TBX19: variants seen among roughly 807,000 people sequenced by gnomAD.
The protein encoded by TBX19 is T-box transcription factor 19.
In TBX19, 33 loss-of-function variants were observed where a neutral mutation model predicts 40.9. The ratio of observed to expected loss-of-function variants is 0.81; its 90% CI spans 0.61 to 1.08. The LOEUF is 1.08. Ranked by LOEUF, TBX19 falls within the 50% of genes least tolerant of loss-of-function variation. The probability of loss-of-function intolerance (pLI) is 0.00; values close to 1 mark genes in which losing one functional copy is unlikely to be tolerated. For missense variants in TBX19, 494 were observed against 574.0 expected (o/e 0.86, Z 1.42); for synonymous variants, 220 against 225.0 (o/e 0.98, Z 0.20).
At chr1:168,311,933 C>T (rs1392140253) in intron 7 of TBX19, among the ~76,000 whole-genome samples, 3 of 152,034 alleles carry the variant, frequency 2.0e-5, no homozygotes, top group Non-Finnish European at 2.9e-5. Context: ...GATCCAGGCA[C>T]CAATATTACT....
At chr1:168,292,055 G>A (rs1217507564) in intron 2 of TBX19, among the ~76,000 whole-genome samples, 3 of 152,166 alleles carry the variant, frequency 2.0e-5, no homozygotes, top group Non-Finnish European at 4.4e-5. Flanking sequence ...GTTACTTTCT[G>A]TAATGTAGGC....
At chr1:168,289,731 C>G (rs532735061) in intron 1 of TBX19, among the ~76,000 whole-genome samples, 2 of 152,138 alleles carry the variant, frequency 1.3e-5, no homozygotes, top group East Asian at 1.9e-4. Flanking sequence ...AAGTGTTGGC[C>G]GTATTACCAT....
chr1:168,295,822 C>A (rs1649091203), intron 3 of TBX19, among the ~76,000 whole-genome samples: 1 of 152,112 alleles, frequency 6.6e-6, no homozygotes, highest in Non-Finnish European at 1.5e-5. Flanking sequence ...CCCGGCAAGG[C>A]CCCTGCCCAC....
In TBX19 at chr1:168,297,804, G is replaced by A. The variant is rs1482333311; in HGVS notation, c.665+19G>A. On this transcript the variant is annotated intron_variant, in intron 4 of 7. Coordinates refer to ENST00000367821, the MANE Select transcript of TBX19 (RefSeq NM_005149.3). ...AGGAAAGGTAAGTAAAGAAATTTTA[G>A]TGAAATCTTCTAATGAATGATTTAT... 1.3e-6 allele frequency: 2 copies of A among 1,596,868 alleles called. No homozygotes were observed. Among genetic ancestry groups the A allele is most frequent in the Non-Finnish European group, 1.7e-6 (2 of 1,165,170 alleles).
rs185969332 is a variant in TBX19 at position 168,295,813 on chromosome 1, C to T, written c.604-1911C>T. On this transcript the variant is annotated intron_variant, in intron 3 of 7. Coordinates refer to ENST00000367821, the MANE Select transcript of TBX19 (RefSeq NM_005149.3). ...CCATGTCCTAACCTCCTCTGGTCTC[C>T]CGGCAAGGCCCCTGCCCACTGGTGT... Among the ~76,000 whole-genome samples the T allele has an allele frequency of 3.8e-3, 580 of 152,182 alleles. 2 individuals are homozygous for T. Among genetic ancestry groups the T allele is most frequent in the Non-Finnish European group, 5.5e-3 (377 of 68,016 alleles).
intron 1 of TBX19, among the ~76,000 whole-genome samples, chr1:168,285,311 G>A (rs550312971): frequency 2.0e-5 from 3 of 150,768 alleles, no homozygotes; most frequent in Non-Finnish European, 3.0e-5. Flanking sequence ...CCCTCTAAAA[G>A]TTCTGATGAG....
intron 3 of TBX19, among the ~76,000 whole-genome samples, chr1:168,295,031 G>A (rs1005947640): frequency 6.6e-6 from 1 of 152,136 alleles, no homozygotes; most frequent in African/African-American, 2.4e-5. Context: ...GGTGGCTCAC[G>A]TCTCTAATCC....
chr1:168,290,036 A>G (rs1032017915), intron 1 of TBX19, among the ~76,000 whole-genome samples: 2 of 152,090 alleles, frequency 1.3e-5, no homozygotes, highest in Admixed American at 6.5e-5. Context: ...TCTACTAAAA[A>G]TCCAAAAATT....
intron 1 of TBX19, among the ~76,000 whole-genome samples, chr1:168,286,069 T>C (rs1648799230): frequency 6.6e-6 from 1 of 152,184 alleles, no homozygotes; most frequent in Non-Finnish European, 1.5e-5. Context: ...GATTAAAAAA[T>C]AGTCATTTCT....
At chr1:168,306,624 C>CT (rs1649410189) in intron 6 of TBX19, among the ~76,000 whole-genome samples, 1 of 66,790 alleles carries the variant, frequency 1.5e-5, no homozygotes. Context: ...AAGACGCCAT[C>CT]TCAAAAAAAA....
intron 6 of TBX19, among the ~76,000 whole-genome samples, chr1:168,305,520 G>A (rs1043616953): frequency 5.3e-5 from 8 of 152,174 alleles, no homozygotes; most frequent in Admixed American, 5.2e-4. Flanking sequence ...GTCAAGTTGT[G>A]TGGGTCTGAA....
Position 168,281,088 on chromosome 1 carries a change from C to T in TBX19, c.-3C>T, listed in dbSNP as rs367613004. 21 of 1,613,910 alleles carry T rather than the reference C, an allele frequency of 1.3e-5. No individual in the cohort carries two copies. The African/African-American group carries it at 2.5e-4, about 19-fold the overall frequency. ...GGCTCTCGGCAAAGTTCGAGAAGTGCCTATGGCCATGAGTGAGCTGGGCAC... is the reference window on the plus strand; with the variant it reads ...GGCTCTCGGCAAAGTTCGAGAAGTGTCTATGGCCATGAGTGAGCTGGGCAC... On this transcript the variant is annotated 5_prime_UTR_variant, in exon 1 of 8. Transcript: ENST00000367821.
chr1:168,305,172 A>T lies in TBX19; in HGVS notation c.892A>T (p.Met298Leu), dbSNP rs771666020. ...GCAGGCTCCCTACCCTTCTGCGTAC[A>T]TGCACAGAAACCATTCTCCCTCAGG... Reference protein sequence around the residue: ...HRQAPYPSAYMHRNHSPSVNL... With the variant: ...HRQAPYPSAYLHRNHSPSVNL... The change falls in exon 6 of 8, where the codon ATG (methionine) becomes TTG (leucine). Residue 298 changes from methionine to leucine, a missense_variant. Transcript: ENST00000367821. 2.5e-6 allele frequency: 4 copies of T among 1,612,786 alleles called. No homozygotes were observed. The highest frequency in any genetic ancestry group is 4.5e-5 in the East Asian group (2 of 44,888).
chr1:168,281,262 A>G lies in TBX19; in HGVS notation c.172A>G (p.Thr58Ala), dbSNP rs1480619485. 1 of 1,614,038 alleles carries G rather than the reference A, an allele frequency of 6.2e-7. No homozygotes were observed. Among genetic ancestry groups the G allele is most frequent in the African/African-American group, 1.3e-5 (1 of 74,928 alleles). The change falls in exon 1 of 8, where the codon ACT becomes GCT. Residue 58 changes from threonine (T) to alanine (A), a missense_variant. By Grantham distance (58) the Thr-to-Ala change is moderately conservative. Around this residue, in one of 3 missense-constraint regions of TBX19, gnomAD observed 201 missense variants for 235.2 expected, o/e 0.85. Transcript: ENST00000367821. ...TCTCTGGCAGAGATTCAAGGAAGTC[A>G]CTAATGAGATGATTGTGACCAAGAA... ...APLWQRFKEV[T>A]NEMIVTKNGR...
chr1:168,292,720 C>T (rs943582768), intron 2 of TBX19, among the ~76,000 whole-genome samples: 8 of 151,924 alleles, frequency 5.3e-5, no homozygotes, highest in Non-Finnish European at 7.4e-5. Context: ...AAAAATTAGC[C>T]GGGCGTGGTG....
rs114491018 is a variant in TBX19 at position 168,308,959 on chromosome 1, C to T, written c.1052+82C>T. ...TGGGGACTCAAGTTCATTCTTTTTCCTAGGGTGGCTTGGTCTAACCTATTG... is the reference window on the plus strand; with the variant it reads ...TGGGGACTCAAGTTCATTCTTTTTCTTAGGGTGGCTTGGTCTAACCTATTG... On this transcript the variant is annotated intron_variant, in intron 7 of 7. Transcript: ENST00000367821. 3.0e-4 allele frequency: 478 copies of T among 1,599,142 alleles called. 3 individuals are homozygous for T. In the African/African-American group the frequency reaches 5.6e-3, roughly 19 times the overall value.
intron 4 of TBX19, among the ~76,000 whole-genome samples, chr1:168,299,271 C>T (rs992687813): frequency 6.6e-6 from 1 of 152,004 alleles, no homozygotes; most frequent in African/African-American, 2.4e-5. Context: ...TTATCACTGA[C>T]TTTTTAATTG....
intron 7 of TBX19, among the ~76,000 whole-genome samples, 185 bp downstream of exon 7, chr1:168,309,062 A>T (rs551786165): frequency 6.6e-6 from 1 of 152,304 alleles, no homozygotes; most frequent in African/African-American, 2.4e-5. Context: ...CAGCTCAGTC[A>T]TATACTGTTT....
chr1:168,309,905 T>G (rs1010582347), intron 7 of TBX19, among the ~76,000 whole-genome samples: 15 of 152,202 alleles, frequency 9.9e-5, no homozygotes, highest in African/African-American at 3.4e-4. Context: ...AGAAAATGCA[T>G]TAACGTGCTT....
Sources: allele counts gnomAD v4.1 joint callset (sites outside exome capture counted in the v4.1 genomes callset), GRCh38; gene constraint gnomAD v4.1.1; regional missense constraint gnomAD v4.1.1; transcripts MANE v1.5; gene names NCBI Gene and HGNC (gene_info 2026-07-23, HGNC 2026-07-21).